EYA4: variants seen among roughly 807,000 people sequenced by gnomAD.
EYA4 encodes the protein EYA transcriptional coactivator and phosphatase 4, also known as protein phosphatase EYA4.
In EYA4, 31 loss-of-function variants were observed where a neutral mutation model predicts 87.9. The ratio of observed to expected loss-of-function variants is 0.35; its 90% confidence interval spans 0.27 to 0.48. The LOEUF (loss-of-function observed/expected upper bound fraction) is 0.48. EYA4 is among the 20% of genes least tolerant of loss of function. EYA4 has a pLI of 0.99. For missense variants in EYA4, 678 were observed against 761.4 expected, an observed-to-expected ratio of 0.89 and a Z score of 1.29; for synonymous variants, 263 against 270.6, an observed-to-expected ratio of 0.97 and a Z score of 0.28.
chr6:133,349,522 C>A (rs911751442), intron 2 of EYA4, among the ~76,000 whole-genome samples: 5 of 152,134 alleles, frequency 3.3e-5, no homozygotes, highest in Non-Finnish European at 7.4e-5. Context: ...TTATTAGGAA[C>A]TTTTATCTTC....
intron 13 of EYA4, among the ~76,000 whole-genome samples, chr6:133,494,619 C>G (rs773287181): frequency 1.4e-4 from 21 of 149,362 alleles, no homozygotes; most frequent in Non-Finnish European, 2.1e-4. Context: ...AGGAGAATCA[C>G]TTGAGGCCAG....
chr6:133,313,724 A>G (rs765674086), intron 2 of EYA4, among the ~76,000 whole-genome samples: 39 of 152,186 alleles, frequency 2.6e-4, no homozygotes, highest in Non-Finnish European at 4.7e-4. Flanking sequence ...ATTAATAAAT[A>G]CCTGCAGTAA....
intron 2 of EYA4, among the ~76,000 whole-genome samples, chr6:133,323,417 G>A (rs1241394581): frequency 6.6e-6 from 1 of 152,038 alleles, no homozygotes; most frequent in Non-Finnish European, 1.5e-5. Context: ...TTCTGCTGCT[G>A]CTTCCTTCAA....
At chr6:133,424,036 A>T (rs1203784792) in intron 3 of EYA4, among the ~76,000 whole-genome samples, 3 of 152,214 alleles carry the variant, frequency 2.0e-5, no homozygotes, top group Non-Finnish European at 4.4e-5. Flanking sequence ...TTCAGTTCTC[A>T]GCAGAGAGGA....
rs573451714 is a variant in EYA4, at chr6:133,449,504, G to A, written c.277+1325G>A. Among the ~76,000 whole-genome samples the A allele has an allele frequency of 3.9e-5, 6 of 152,272 alleles. No individual in the cohort carries two copies. In the South Asian group the frequency reaches 1.2e-3, roughly 32 times the overall value. On this transcript the variant is annotated intron_variant, in intron 5 of 19. Transcript: ENST00000355286. ...CCAGAAACATTTTTCTAAGTGGTAA[G>A]CATCAGGCTTTCCTGGTTCTTAATG...
chr6:133,446,589 CT>C, intron 3 of EYA4, 40 bp from the exon 4 acceptor site: 1 of 1,612,154 alleles, frequency 6.2e-7, no homozygotes, highest in Non-Finnish European at 8.5e-7. Flanking sequence ...AAAATAACTG[CT>C]GCAATTTCAA....
At chr6:133,499,591 C>T (rs577297706) in intron 13 of EYA4, among the ~76,000 whole-genome samples, 1 of 152,258 alleles carries the variant, frequency 6.6e-6, no homozygotes, top group South Asian at 2.1e-4. Context: ...AAATATGTTG[C>T]TTACACTGAA....
At chr6:133,321,768 T>C (rs189487344) in intron 2 of EYA4, among the ~76,000 whole-genome samples, 2 of 152,142 alleles carry the variant, frequency 1.3e-5, no homozygotes, top group Admixed American at 6.5e-5. Flanking sequence ...CTTTTCACAT[T>C]AGATGAAATT....
At chr6:133,389,841 C>T (rs1269632925) in intron 3 of EYA4, among the ~76,000 whole-genome samples, 1 of 152,108 alleles carries the variant, frequency 6.6e-6, no homozygotes, top group African/African-American at 2.4e-5. Flanking sequence ...TTGAATTTTC[C>T]TCTGCCGTGC....
At chr6:133,458,254 GT>G (rs1039168106) in intron 6 of EYA4, among the ~76,000 whole-genome samples, 1 of 151,918 alleles carries the variant, frequency 6.6e-6, no homozygotes. Flanking sequence ...TAAAAATTTT[GT>G]TTTTTATTTT....
At chr6:133,353,615 G>A (rs749493385) in intron 2 of EYA4, among the ~76,000 whole-genome samples, 3 of 152,048 alleles carry the variant, frequency 2.0e-5, no homozygotes, top group Non-Finnish European at 2.9e-5. Context: ...TTCCAAGACC[G>A]GATTCTCTCA....
At chr6:133,409,959 T>A (rs1789064286) in intron 3 of EYA4, among the ~76,000 whole-genome samples, 1 of 152,156 alleles carries the variant, frequency 6.6e-6, no homozygotes, top group Admixed American at 6.5e-5. Context: ...CCTCCCCCCA[T>A]ATAAAATTTC....
chr6:133,397,002 A>G (rs1787862741), intron 3 of EYA4, among the ~76,000 whole-genome samples: 1 of 152,230 alleles, frequency 6.6e-6, no homozygotes, highest in African/African-American at 2.4e-5. Context: ...CATCTCATGG[A>G]CTTAAAAAGA....
At chr6:133,364,324 G>A (rs937064846) in intron 2 of EYA4, among the ~76,000 whole-genome samples, 1 of 152,130 alleles carries the variant, frequency 6.6e-6, no homozygotes, top group African/African-American at 2.4e-5. Context: ...TTATATAGAT[G>A]GTAAGGGCCT....
intron 7 of EYA4, 80 bp downstream of exon 7, chr6:133,461,260 T>C (rs1409603123): frequency 1.0e-6 from 1 of 1,000,480 alleles, no homozygotes; most frequent in Non-Finnish European, 1.6e-6. Flanking sequence ...GGATAATACT[T>C]GGATAGATTA....
chr6:133,402,699 G>A (rs1788367624), intron 3 of EYA4, among the ~76,000 whole-genome samples: 1 of 151,076 alleles, frequency 6.6e-6, no homozygotes, highest in South Asian at 2.1e-4. Context: ...AGGGAGCTGT[G>A]CAATATAAAG....
chr6:133,510,831 T>C (rs987064197), intron 14 of EYA4: 3 of 155,326 alleles, frequency 1.9e-5, no homozygotes, highest in African/African-American at 4.8e-5. Context: ...ATTTAAATGA[T>C]TGTGGTAATC....
At chr6:133,436,993 T>C (rs1395730043) in intron 3 of EYA4, among the ~76,000 whole-genome samples, 2 of 152,276 alleles carry the variant, frequency 1.3e-5, no homozygotes, top group Admixed American at 1.3e-4. Flanking sequence ...ATTCCATCTA[T>C]GCTACAGAAA....
At chr6:133,341,183 C>G (rs1782750085) in intron 2 of EYA4, among the ~76,000 whole-genome samples, 1 of 152,148 alleles carries the variant, frequency 6.6e-6, no homozygotes, top group African/African-American at 2.4e-5. Context: ...GTAAACACAG[C>G]AAACAGTTGC....
Sources: allele counts gnomAD v4.1 joint callset (sites outside exome capture counted in the v4.1 genomes callset), GRCh38; gene constraint gnomAD v4.1.1; transcripts MANE v1.5; gene names NCBI Gene and HGNC (gene_info 2026-07-23, HGNC 2026-07-21).